PAK4: variants seen among roughly 807,000 people sequenced by gnomAD.
PAK4 encodes serine/threonine-protein kinase PAK 4.
PAK4 carries 49 observed loss-of-function variants against 53.5 expected under a neutral mutation model. The ratio of observed to expected loss-of-function variants is 0.92; its 90% CI spans 0.73 to 1.16. The LOEUF (loss-of-function observed/expected upper bound fraction) is 1.16. Ranked by LOEUF, PAK4 falls within the 50% of genes most tolerant of loss-of-function variation. The probability of loss-of-function intolerance (pLI) is 0.00; values close to 1 mark genes in which losing one functional copy is unlikely to be tolerated. For missense variants in PAK4, 824 were observed against 850.7 expected, an observed-to-expected ratio of 0.97 and a Z score of 0.39; for synonymous variants, 376 against 375.6, an observed-to-expected ratio of 1.00 and a Z score of -0.01.
intron 1 of PAK4, among the ~76,000 whole-genome samples, chr19:39,165,009 C>T (rs1215326153): frequency 2.6e-5 from 4 of 151,782 alleles, no homozygotes; most frequent in Admixed American, 2.0e-4. Context: ...GTGGGGGCCC[C>T]GGGGCCCACT....
Position 39,173,224 on chromosome 19 carries a change from C to CA in PAK4, c.512dup (p.Glu172GlyfsTer13). On this transcript the variant is annotated frameshift_variant, in exon 3 of 9. Transcript: ENST00000358301. LOFTEE classifies it high-confidence loss of function. The surrounding 1 kb of genome is among the most constrained non-coding windows in gnomAD (Gnocchi z 6.9). ...TTCCAGGGAGGGCTCAGGGGGTCCC[C>CA]AGGAGTCCTCCCGGGACAAACGCCC... is the stretch of plus-strand genomic sequence containing the variant. 6.4e-7 allele frequency: 1 copy of CA among 1,564,258 alleles called. No individual in the cohort carries two copies. Among genetic ancestry groups the CA allele is most frequent in the Admixed American group, 1.9e-5 (1 of 53,094 alleles).
rs183340836 is a variant in PAK4 at position 39,126,598 on chromosome 19, A to G, written c.-23+679A>G. ...TGTATGAGCTTATTCAGTCCTCACT[A>G]TAGTCTTAGGGGGTCTTAACCTGGT... On this transcript the variant is annotated intron_variant, in intron 1 of 8. Transcript: ENST00000358301. Among the ~76,000 whole-genome samples, 9 of 152,130 alleles carry G rather than the reference A, an allele frequency of 5.9e-5. No homozygotes were observed. The South Asian group carries it at 6.2e-4, about 11-fold the overall frequency.
At chr19:39,153,216 A>C (rs1453040838) in intron 1 of PAK4, among the ~76,000 whole-genome samples, 1 of 151,746 alleles carries the variant, frequency 6.6e-6, no homozygotes, top group African/African-American at 2.4e-5. Context: ...CCAACCCCCA[A>C]AAGCTCCCAG....
chr19:39,153,335 T>C (rs1455349240), intron 1 of PAK4, among the ~76,000 whole-genome samples: 1 of 152,254 alleles, frequency 6.6e-6, no homozygotes, highest in Non-Finnish European at 1.5e-5. Flanking sequence ...CTCAGCTTAC[T>C]GCAACCTCCA....
At position 39,137,262 on chromosome 19, in the gene PAK4, C is replaced by G. The variant is rs146520172; in HGVS notation, c.-23+11343C>G. Among the ~76,000 whole-genome samples, 8 of 152,254 alleles carry G rather than the reference C, an allele frequency of 5.3e-5. No homozygotes were observed. In the East Asian group the frequency reaches 7.7e-4, roughly 15 times the overall value. ...TTGCCGCCCATTTGGAGCCTGGCCTCTGGAGCCATCTGGGGCACCCCTGCT... is the reference window on the plus strand; with the variant it reads ...TTGCCGCCCATTTGGAGCCTGGCCTGTGGAGCCATCTGGGGCACCCCTGCT... On this transcript the variant is annotated intron_variant, in intron 1 of 8. Coordinates refer to ENST00000358301, the Ensembl canonical transcript of PAK4.
chr19:39,134,849 C>T (rs2073780748), intron 1 of PAK4: 2 of 152,304 alleles, frequency 1.3e-5, no homozygotes, highest in Admixed American at 1.3e-4. Context: ...AGGTGATCCA[C>T]CCACCTCAGC....
chr19:39,134,983 G>A (rs1461360394), intron 1 of PAK4: 1 of 152,310 alleles, frequency 6.6e-6, no homozygotes, highest in Non-Finnish European at 1.5e-5. Context: ...GGGTGCCGGT[G>A]CCTGCGTTTC....
exon 7 of PAK4, chr19:39,176,706 C>T (rs144059751): frequency 2.0e-5 from 32 of 1,609,956 alleles, no homozygotes; most frequent in African/African-American, 6.7e-5. Context: ...GCCTTCCCTA[C>T]GGGCCAGAGG....
chr19:39,169,898 C>G (rs1187274662), intron 2 of PAK4, 141 bp downstream of exon 3: 8 of 674,464 alleles, frequency 1.2e-5, no homozygotes, highest in Middle Eastern at 4.1e-4. Context: ...CCACCCCTAT[C>G]CTGGGTCCAG....
chr19:39,181,114 GTT>G (rs568156566), downstream of PAK4: 1 of 152,204 alleles, frequency 6.6e-6, no homozygotes. Flanking sequence ...TTTGTTTTTT[GTT>G]TTTTGTTTTT....
intron 1 of PAK4, among the ~76,000 whole-genome samples, chr19:39,138,322 G>A (rs2073854343): frequency 6.6e-6 from 1 of 152,110 alleles, no homozygotes; most frequent in Non-Finnish European, 1.5e-5. Flanking sequence ...CAAAGTGCTG[G>A]GATTACAGGC....
In PAK4 at chr19:39,173,164, A is replaced by C. The variant is rs959767603; in HGVS notation, c.451A>C (p.Arg151=). ...CGAGGCGGGTGGCGGCAGTGGTGAC[A>C]GGCGACGGGCGGGGCCAGAGAAGAG... Residue 151 remains arginine, a synonymous_variant, in exon 3 of 9, where the codon AGG becomes CGG. Coordinates refer to ENST00000358301, the Ensembl canonical transcript of PAK4. This position sits in a 1 kb window ranked among gnomAD's most constrained non-coding sequence, Gnocchi z 6.9. The C allele has an allele frequency of 3.2e-6, 5 of 1,540,524 alleles. No homozygotes were observed. In the African/African-American group the frequency reaches 6.9e-5, roughly 21 times the overall value.
chr19:39,142,762 A>T (rs1264564932), intron 1 of PAK4, among the ~76,000 whole-genome samples: 1 of 152,018 alleles, frequency 6.6e-6, no homozygotes, highest in Non-Finnish European at 1.5e-5. Flanking sequence ...CCCCAGCTCT[A>T]CCCTTGGCTG....
intron 1 of PAK4, among the ~76,000 whole-genome samples, chr19:39,152,802 T>TA (rs2074114677): frequency 1.3e-5 from 2 of 152,194 alleles, no homozygotes; most frequent in Admixed American, 1.3e-4. Flanking sequence ...TCTTGGAACA[T>TA]ACGCCTTGCA....
Position 39,175,259 on chromosome 19 carries a change from G to A in PAK4, c.1233-53G>A, listed in dbSNP as rs143815524. 3.9e-6 allele frequency: 6 copies of A among 1,530,612 alleles called. No homozygotes were observed. In the African/African-American group the frequency reaches 6.8e-5, roughly 17 times the overall value. 94.8% of individuals were successfully genotyped at this position (1,530,612 alleles called of 1,614,324 possible). ...TGCAAGGCAGGGCTGCGTCCCCCTC[G>A]GCACCCCGGGGTGCTGTCCAGCTGG... On this transcript the variant is annotated intron_variant, in intron 5 of 8. Coordinates refer to ENST00000358301, the Ensembl canonical transcript of PAK4. The surrounding 1 kb of genome is among the most constrained non-coding windows in gnomAD (Gnocchi z 4.7).
intron 2 of PAK4, among the ~76,000 whole-genome samples, chr19:39,172,174 C>T (rs757127638): frequency 1.4e-5 from 2 of 146,596 alleles, no homozygotes; most frequent in Non-Finnish European, 3.0e-5. Flanking sequence ...ACCCTGAGAG[C>T]TGATGTTCCA....
chr19:39,135,772 G>C (rs1020534912), intron 1 of PAK4, among the ~76,000 whole-genome samples: 7 of 149,862 alleles, frequency 4.7e-5, no homozygotes, highest in African/African-American at 1.7e-4. Flanking sequence ...GATAAGCCGG[G>C]CTGGAGGCTC....
At chr19:39,159,171 AC>A (rs1396807778) in intron 1 of PAK4, among the ~76,000 whole-genome samples, 1 of 152,124 alleles carries the variant, frequency 6.6e-6, no homozygotes, top group African/African-American at 2.4e-5. Flanking sequence ...TAGAGCCAGT[AC>A]CTGGGACTGG....
intron 1 of PAK4, among the ~76,000 whole-genome samples, chr19:39,165,135 GA>G (rs1468777861): frequency 1.3e-5 from 2 of 151,168 alleles, no homozygotes; most frequent in Non-Finnish European, 2.9e-5. Context: ...TAGACAGAAA[GA>G]ATGGGAACGG....
Sources: gnomAD v4.1 joint callset for allele counts (sites outside exome capture counted in the v4.1 genomes callset) on GRCh38, gnomAD v4.1.1 for gene constraint, Gnocchi (gnomAD v3.1) non-coding constraint, MANE v1.5 for transcripts, NCBI Gene and HGNC (gene_info 2026-07-23, HGNC 2026-07-21) for gene names.